Variants in NLRP9 observed in about 807,000 individuals in gnomAD.
NLRP9 encodes NACHT, LRR and PYD domains-containing protein 9.
A neutral mutation model predicts 83.1 loss-of-function variants in NLRP9; 88 were observed. That is an observed-to-expected ratio of 1.06 (90% CI 0.89 to 1.26). The LOEUF (loss-of-function observed/expected upper bound fraction) is 1.26. Among genes scored for constraint, NLRP9 ranks in the 50% most tolerant of loss-of-function variants. NLRP9 has a pLI of 0.00. For synonymous variants in NLRP9, 521 were observed against 447.6 expected, an observed-to-expected ratio of 1.16 and a Z score of -2.07; for missense variants, 1,308 against 1,179.3, an observed-to-expected ratio of 1.11 and a Z score of -1.60.
intron 1 of NLRP9, among the ~76,000 whole-genome samples, chr19:55,733,919 A>AATTTTTTTTTTTT (rs1555796186): frequency 8.5e-6 from 1 of 117,872 alleles, no homozygotes; most frequent in African/African-American, 3.6e-5. Context: ...TGTCAACCAA[A>AATTTTTTTTTTTT]TTTTTTTTTT....
Position 55,716,762 on chromosome 19 carries a change from G to A in NLRP9, c.2296C>T (p.Leu766=), listed in dbSNP as rs373844844. Residue 766 remains leucine (L), a synonymous_variant, in exon 5 of 9, where the codon CTG becomes TTG. Transcript: ENST00000332836. ...TCCAGGGCACAGTGTGAGTGCTTCAGGGCTTCACACAGCAACGTCATTCCT... is the reference window on the plus strand; with the variant it reads ...TCCAGGGCACAGTGTGAGTGCTTCAAGGCTTCACACAGCAACGTCATTCCT... ...DEGMTLLCEA[L]KHSHCALERL... 2.5e-6 allele frequency: 4 copies of A among 1,613,760 alleles called. No individual in the cohort carries two copies. The African/African-American group carries it at 4.0e-5, about 16-fold the overall frequency.
intron 5 of NLRP9, among the ~76,000 whole-genome samples, chr19:55,715,599 G>C (rs1182852987): frequency 6.6e-6 from 1 of 152,124 alleles, no homozygotes; most frequent in Non-Finnish European, 1.5e-5. Context: ...CAGGAGAATC[G>C]CTTGAACCCA....
Position 55,708,906 on chromosome 19 carries a change from T to G in NLRP9, c.*6A>C. 6.5e-7 allele frequency: 1 copy of G among 1,533,048 alleles called. No homozygotes were observed. The highest frequency in any genetic ancestry group is 8.7e-7 in the Non-Finnish European group (1 of 1,148,474). 95.0% of individuals were successfully genotyped at this position (1,533,048 alleles called of 1,614,324 possible). A position where few individuals can be genotyped will look rare whatever the true frequency, so the allele number is the denominator to read the frequency against. On this transcript the variant is annotated 3_prime_UTR_variant, in exon 9 of 9. Coordinates refer to ENST00000332836, the MANE Select transcript of NLRP9 (RefSeq NM_176820.4). Reference sequence around the variant, plus strand: ...TTGTGAGACGACTACTTCAGGGTGTTCCCCATCAGAGGAGCACACCCCTGA... The same window carrying G: ...TTGTGAGACGACTACTTCAGGGTGTGCCCCATCAGAGGAGCACACCCCTGA...
rs546204657 is a variant in NLRP9, at chr19:55,714,525, A to T, written c.2501+530T>A. On this transcript the variant is annotated intron_variant, in intron 6 of 8. Coordinates refer to ENST00000332836, the MANE Select transcript of NLRP9 (RefSeq NM_176820.4). ...CTCCTGAGTCCCCTGCTGTGTCCTT[A>T]CAACTCCTTCCCACTGAAGGTTCCC... Among the ~76,000 whole-genome samples, 11 of 152,072 alleles carry T rather than the reference A, an allele frequency of 7.2e-5. No homozygotes were observed. In the South Asian group the frequency reaches 2.3e-3, roughly 32 times the overall value.
intron 2 of NLRP9, among the ~76,000 whole-genome samples, chr19:55,730,936 A>G (rs1471000366): frequency 2.0e-5 from 3 of 152,200 alleles, no homozygotes; most frequent in African/African-American, 7.2e-5. Context: ...ATAAAAAAAA[A>G]GAAAGTGGAT....
At chr19:55,721,548 G>C (rs1244795498) in intron 4 of NLRP9, among the ~76,000 whole-genome samples, 2 of 152,040 alleles carry the variant, frequency 1.3e-5, no homozygotes, top group African/African-American at 2.4e-5. Context: ...ATCTCTCCTA[G>C]GGCACTTCAC....
At chr19:55,713,161 C>A in intron 6 of NLRP9, among the ~76,000 whole-genome samples, 1 of 151,210 alleles carries the variant, frequency 6.6e-6, no homozygotes, top group Non-Finnish European at 1.5e-5. Context: ...TACCTCCTCC[C>A]CACCTTCAAA....
intron 4 of NLRP9, among the ~76,000 whole-genome samples, chr19:55,720,703 T>A (rs1224408306): frequency 6.6e-6 from 1 of 152,190 alleles, no homozygotes; most frequent in African/African-American, 2.4e-5. Context: ...GAATCTCTCT[T>A]AATTCAAAGA....
In NLRP9 at chr19:55,733,050, A is replaced by G; in HGVS notation, c.781T>C (p.Leu261=). 6.8e-6 allele frequency: 11 copies of G among 1,612,996 alleles called. No homozygotes were observed. Among genetic ancestry groups the G allele is most frequent in the Non-Finnish European group, 9.3e-6 (11 of 1,179,754 alleles). ...QPMPIILSSL[L]QKKMLPESSL... ...GATTCTGGAAGCATCTTTTTTTGCAACAAACTGCTCAGGATAATTGGCATT... is the reference window on the plus strand; with the variant it reads ...GATTCTGGAAGCATCTTTTTTTGCAGCAAACTGCTCAGGATAATTGGCATT... Residue 261 remains leucine, a synonymous_variant, in exon 2 of 9, where the codon TTG becomes CTG. Transcript: ENST00000332836.
intron 1 of NLRP9, among the ~76,000 whole-genome samples, chr19:55,734,542 TAC>T (rs1555796280): frequency 5.4e-5 from 8 of 148,522 alleles, no homozygotes; most frequent in Non-Finnish European, 8.9e-5. Flanking sequence ...TATATATATA[TAC>T]ATATATACGC....
chr19:55,713,064 T>C (rs957734495), intron 6 of NLRP9, among the ~76,000 whole-genome samples: 1 of 149,696 alleles, frequency 6.7e-6, no homozygotes, highest in Non-Finnish European at 1.5e-5. Flanking sequence ...CTGCACTTCT[T>C]CTCTCCTGCC....
intron 3 of NLRP9, 54 bp from the exon 4 acceptor site, chr19:55,724,198 A>G (rs1988330263): frequency 1.6e-6 from 2 of 1,257,618 alleles, no homozygotes; most frequent in South Asian, 2.7e-5. Context: ...CAGCACAAAG[A>G]CAGACACCTC....
In NLRP9 at chr19:55,732,051, G is replaced by A. The variant is rs768080525; in HGVS notation, c.1780C>T (p.Leu594Phe). ...AAGATATTCTCCACACACATGCGAAGTGTCGTTAAATGTTGACAATGCTTC... is the reference window on the plus strand; with the variant it reads ...AAGATATTCTCCACACACATGCGAAATGTCGTTAAATGTTGACAATGCTTC... ...CLKHCQHLTT[L>F]RMCVENIFPD... is the part of the protein sequence containing the mutation. The change falls in exon 2 of 9, where the codon CTT becomes TTT. Residue 594 changes from leucine (L) to phenylalanine (F), a missense_variant. Coordinates refer to ENST00000332836, the MANE Select transcript of NLRP9 (RefSeq NM_176820.4). The A allele has an allele frequency of 1.7e-5, 28 of 1,602,348 alleles. No homozygotes were observed. Among genetic ancestry groups the A allele is most frequent in the Non-Finnish European group, 2.4e-5 (28 of 1,175,936 alleles).
Position 55,732,818 on chromosome 19 carries a change from A to T in NLRP9, c.1013T>A (p.Phe338Tyr). The T allele has an allele frequency of 6.2e-7, 1 of 1,614,176 alleles. No individual in the cohort carries two copies. Among genetic ancestry groups the T allele is most frequent in the Non-Finnish European group, 8.5e-7 (1 of 1,180,036 alleles). The change falls in exon 2 of 9, where the codon TTT becomes TAT. Residue 338 changes from phenylalanine to tyrosine, a missense_variant. Coordinates refer to ENST00000332836, the MANE Select transcript of NLRP9 (RefSeq NM_176820.4). ...GPLFILCHNPFTCWLVCTCVK... is the reference protein window; with the variant it reads ...GPLFILCHNPYTCWLVCTCVK... Reference sequence around the variant, plus strand: ...ACAAGTACAGACCAACCAGCACGTAAAGGGATTATGGCACAAGATAAACAG... The same window carrying T: ...ACAAGTACAGACCAACCAGCACGTATAGGGATTATGGCACAAGATAAACAG...
rs745987672 is a variant in NLRP9, at chr19:55,709,083, A to AT, written c.2844-40dup. On this transcript the variant is annotated intron_variant, in intron 8 of 8. Coordinates refer to ENST00000332836, the MANE Select transcript of NLRP9 (RefSeq NM_176820.4). ...AATAAAGTTTTTTTTTTTGTTTTTCATTTTTACACAGTATTGCCTCTCTAC... is the reference window on the plus strand; with the variant it reads ...AATAAAGTTTTTTTTTTTGTTTTTCATTTTTTACACAGTATTGCCTCTCTAC... 3 of 1,498,308 alleles carry AT rather than the reference A, an allele frequency of 2.0e-6. No homozygotes were observed. In the South Asian group the frequency reaches 3.9e-5, roughly 19 times the overall value. 92.8% of individuals were successfully genotyped at this position (1,498,308 alleles called of 1,614,324 possible). A position where few individuals can be genotyped will look rare whatever the true frequency, so the allele number is the denominator to read the frequency against.
chr19:55,721,231 T>A (rs1014274857), intron 4 of NLRP9, among the ~76,000 whole-genome samples: 1 of 152,204 alleles, frequency 6.6e-6, no homozygotes, highest in Non-Finnish European at 1.5e-5. Context: ...TGGGTGGTGA[T>A]TGGTATATGG....
intron 8 of NLRP9, chr19:55,709,803 T>C (rs746933431): frequency 9.2e-5 from 14 of 152,214 alleles, no homozygotes; most frequent in Non-Finnish European, 2.9e-5. Flanking sequence ...CTCTGTCTCT[T>C]TATAACTTCT....
intron 8 of NLRP9, among the ~76,000 whole-genome samples, chr19:55,710,915 GTCTCTACTAAAA>G (rs1468395957): frequency 6.6e-6 from 1 of 151,910 alleles, no homozygotes; most frequent in East Asian, 1.9e-4. Context: ...GTGAAACCCC[GTCTCTACTAAAA>G]ATAGAAAAAT....
chr19:55,712,068 G>T, intron 7 of NLRP9, 98 bp from the exon 8 acceptor site: 1 of 1,230,914 alleles, frequency 8.1e-7, no homozygotes, highest in Non-Finnish European at 1.2e-6. Flanking sequence ...CCGGCAGGAC[G>T]CTCTGCTGTC....
Sources: gnomAD v4.1 joint callset for allele counts (sites outside exome capture counted in the v4.1 genomes callset) on GRCh38, gnomAD v4.1.1 for gene constraint, MANE v1.5 for transcripts, NCBI Gene and HGNC (gene_info 2026-07-23, HGNC 2026-07-21) for gene names.